Variants in CLEC14A observed in about 807,000 individuals in gnomAD.
CLEC14A encodes the protein C-type lectin domain containing 14A.
For synonymous variants in CLEC14A, 349 were observed against 292.0 expected (o/e 1.20, Z -1.99); for missense variants, 682 against 659.9 (o/e 1.03, Z -0.37).
In CLEC14A at chr14:38,255,825, C is replaced by A; in HGVS notation, c.198G>T (p.Ala66=). The A allele has an allele frequency of 6.5e-7, 1 of 1,541,110 alleles. No individual in the cohort carries two copies. The highest frequency in any genetic ancestry group is 1.4e-5 in the African/African-American group (1 of 73,366). The part of the protein sequence containing the change: ...LRGGALSTVR[A]GAELRAVLAL... ...CGAGCACAGCGCGCAGCTCGGCGCC[C>A]GCACGCACGGTGCTGAGCGCCCCAC... Residue 66 remains alanine (A), a synonymous_variant, in exon 1 of 1, where the codon GCG becomes GCT. Transcript: ENST00000342213. The surrounding 1 kb of genome is among the most constrained non-coding windows in gnomAD (Gnocchi z 5.1).
At position 38,255,641 on chromosome 14, in the gene CLEC14A, G is replaced by A. The variant is rs766443249; in HGVS notation, c.382C>T (p.Leu128=). 2.2e-5 allele frequency: 35 copies of A among 1,608,276 alleles called. No individual in the cohort carries two copies. The South Asian group carries it at 3.5e-4, about 16-fold the overall frequency. The stretch of plus-strand genomic sequence containing the variant: ...CGTTGGGGCTCCTCCACCCACTGCA[G>A]CGTGTCGCTTTCGAGACCGCCGGGG... ...SDPGGLESDT[L]QWVEEPQRSC... Residue 128 remains leucine (L), a synonymous_variant, in exon 1 of 1, where the codon CTG becomes TTG. Transcript: ENST00000342213. This position sits in a 1 kb window ranked among gnomAD's most constrained non-coding sequence, Gnocchi z 5.1.
Position 38,254,433 on chromosome 14 carries a change from T to G in CLEC14A, c.*117A>C. The G allele has an allele frequency of 1.0e-6, 1 of 992,400 alleles. No homozygotes were observed. The highest frequency in any genetic ancestry group is 1.5e-6 in the Non-Finnish European group (1 of 677,444). The allele number at this position is 992,400 out of a possible 1,614,324, so 61.5% of individuals were successfully genotyped here. On this transcript the variant is annotated 3_prime_UTR_variant, in exon 1 of 1. Transcript: ENST00000342213. ...TAGCTCCTCAGTGGAGTAAAGGGAA[T>G]TTAGAGGAAGGGGGATTTCTGCAGA...
chr14:38,255,146 G>A lies in CLEC14A; in HGVS notation c.877C>T (p.Gln293Ter). 1 of 1,613,372 alleles carries A rather than the reference G, an allele frequency of 6.2e-7. No individual in the cohort carries two copies. ...GRSCVTSGEG[Q>*]PTLGGTGVPT... ...ACCCCGGTCCCCCCAAGGGTCGGCT[G>A]TCCTTCCCCACTGGTCACACAAGAG... Residue 293 changes from glutamine to a stop codon, truncating the protein, a stop_gained, in exon 1 of 1, where the codon CAG becomes TAG. Transcript: ENST00000342213. LOFTEE classifies it low-confidence loss of function (END_TRUNC). This position sits in a 1 kb window ranked among gnomAD's most constrained non-coding sequence, Gnocchi z 5.1.
chr14:38,255,872 C>T lies in CLEC14A; in HGVS notation c.151G>A (p.Glu51Lys). The part of the protein sequence containing the change: ...HHATMKRQAA[E>K]EACILRGGAL... ...CCACCTCGCAGGATGCAGGCCTCCT[C>T]GGCCGCCTGCCGCTTCATGGTAGCG... The change falls in exon 1 of 1, where the codon GAG (glutamate) becomes AAG (lysine). Residue 51 changes from glutamate (E) to lysine (K), a missense_variant. Glu to Lys is a moderately conservative substitution (Grantham distance 56). Coordinates refer to ENST00000342213, the MANE Select transcript of CLEC14A (RefSeq NM_175060.3). This position sits in a 1 kb window ranked among gnomAD's most constrained non-coding sequence, Gnocchi z 5.1. 6.4e-7 allele frequency: 1 copy of T among 1,555,982 alleles called. No individual in the cohort carries two copies. The highest frequency in any genetic ancestry group is 8.6e-7 in the Non-Finnish European group (1 of 1,158,636).
rs1474408072 is a variant in CLEC14A, at chr14:38,254,743, TC to T, written c.1279del (p.Glu427LysfsTer38). ...CTTCCTTGGCTGGGAAGAGGGGCTT[TC>T]GTGAAAGCAGAGCTTGACAAGCCCC... is the stretch of plus-strand genomic sequence containing the variant. ...VLGLVKLCFHESPSSQPRKES... is the reference protein window; with the variant it reads ...VLGLVKLCFHXSPSSQPRKES... On this transcript the variant is annotated frameshift_variant, in exon 1 of 1. Coordinates refer to ENST00000342213, the MANE Select transcript of CLEC14A (RefSeq NM_175060.3). LOFTEE classifies it low-confidence loss of function (END_TRUNC). 1 of 1,614,164 alleles carries T rather than the reference TC, an allele frequency of 6.2e-7. No individual in the cohort carries two copies. Among genetic ancestry groups the T allele is most frequent in the South Asian group, 1.1e-5 (1 of 91,082 alleles).
At position 38,254,334 on chromosome 14, in the gene CLEC14A, G is replaced by T; in HGVS notation, c.*216C>A. ...AAAATATCTCTCCCCAGCACTACCC[G>T]GTCCCCCAGTATCACCATCCTAAAG... On this transcript the variant is annotated 3_prime_UTR_variant, in exon 1 of 1. Transcript: ENST00000342213. The T allele has an allele frequency of 2.2e-6, 1 of 460,094 alleles. No homozygotes were observed. 28.5% of individuals were successfully genotyped at this position (460,094 alleles called of 1,614,324 possible). A position where few individuals can be genotyped will look rare whatever the true frequency, so the allele number is the denominator to read the frequency against.
In CLEC14A at chr14:38,254,398, A is replaced by C. The variant is rs1304416583; in HGVS notation, c.*152T>G. ...CTCTATCATCAGGGAAGGAGTGTGC[A>C]GTTCTGATTTAGCTCCTCAGTGGAG... On this transcript the variant is annotated 3_prime_UTR_variant, in exon 1 of 1. Transcript: ENST00000342213. The C allele has an allele frequency of 4.5e-6, 3 of 662,746 alleles. No individual in the cohort carries two copies. Among genetic ancestry groups the C allele is most frequent in the Admixed American group, 3.2e-5 (1 of 31,730 alleles). 41.1% of individuals were successfully genotyped at this position (662,746 alleles called of 1,614,324 possible).
Position 38,254,836 on chromosome 14 carries a change from G to C in CLEC14A, c.1187C>G (p.Ser396Cys), listed in dbSNP as rs1399463378. Residue 396 changes from serine to cysteine, a missense_variant, in exon 1 of 1, where the codon TCT becomes TGT. By Grantham distance (112) the Ser-to-Cys change is moderately radical. Transcript: ENST00000342213. Reference protein sequence around the residue: ...SATPQAFDSSSAVVFIFVSTA... With the variant: ...SATPQAFDSSCAVVFIFVSTA... ...GCTCACAAATATGAAGACCACGGCA[G>C]AGGAGGAGTCGAAAGCCTGAGGAGT... 1 of 1,606,950 alleles carries C rather than the reference G, an allele frequency of 6.2e-7. No homozygotes were observed. Among genetic ancestry groups the C allele is most frequent in the East Asian group, 2.2e-5 (1 of 44,846 alleles).
chr14:38,255,448 T>A lies in CLEC14A; in HGVS notation c.575A>T (p.Tyr192Phe), dbSNP rs114622864. 2.4e-4 allele frequency: 385 copies of A among 1,613,208 alleles called. No individual in the cohort carries two copies. The African/African-American group carries it at 4.5e-3, about 19-fold the overall frequency. Reference protein sequence around the residue: ...PRPGAASNLSYRAPFQLHSAA... With the variant: ...PRPGAASNLSFRAPFQLHSAA... ...GCTGTGCAGCTGGAAGGGCGCGCGA[T>A]AGCTCAAGTTAGAGGCGGCCCCGGG... Residue 192 changes from tyrosine to phenylalanine, a missense_variant, in exon 1 of 1, where the codon TAT (tyrosine) becomes TTT (phenylalanine). Coordinates refer to ENST00000342213, the MANE Select transcript of CLEC14A (RefSeq NM_175060.3). This position sits in a 1 kb window ranked among gnomAD's most constrained non-coding sequence, Gnocchi z 5.1.
In CLEC14A at chr14:38,254,886, C is replaced by T. The variant is rs1468685878; in HGVS notation, c.1137G>A (p.Lys379=). The change falls in exon 1 of 1, where the codon AAG becomes AAA. Residue 379 remains lysine (K), a synonymous_variant. Transcript: ENST00000342213. ...TGGCAGAGGAAGTCGTAGAATTAAA[C>T]TTGGAAATCACGCTCCCTGATGGGG... ...TITPSGSVIS[K]FNSTTSSATP... is the part of the protein sequence containing the mutation. 3 of 1,614,092 alleles carry T rather than the reference C, an allele frequency of 1.9e-6. No individual in the cohort carries two copies. Among genetic ancestry groups the T allele is most frequent in the Non-Finnish European group, 2.5e-6 (3 of 1,179,990 alleles).
chr14:38,255,083 C>A lies in CLEC14A; in HGVS notation c.940G>T (p.Val314Leu). ...RRPPATATSP[V>L]PQRTWPIRVD... ...CTGATTGGCCATGTTCTCTGCGGCA[C>A]GGGGCTGGTTGCAGTGGCCGGCGGG... The change falls in exon 1 of 1, where the codon GTG (valine) becomes TTG (leucine). Residue 314 changes from valine to leucine, a missense_variant. Physicochemically the swap from Val to Leu is conservative, Grantham distance 32. Transcript: ENST00000342213. The surrounding 1 kb of genome is among the most constrained non-coding windows in gnomAD (Gnocchi z 5.1). 1.2e-6 allele frequency: 2 copies of A among 1,612,692 alleles called. No homozygotes were observed. The highest frequency in any genetic ancestry group is 1.7e-6 in the Non-Finnish European group (2 of 1,180,010).
Position 38,255,420 on chromosome 14 carries a change from G to C in CLEC14A, c.603C>G (p.Ala201=). 1 of 1,613,402 alleles carries C rather than the reference G, an allele frequency of 6.2e-7. No homozygotes were observed. Among genetic ancestry groups the C allele is most frequent in the Non-Finnish European group, 8.5e-7 (1 of 1,180,040 alleles). The change falls in exon 1 of 1, where the codon GCC becomes GCG. Residue 201 remains alanine, a synonymous_variant. Transcript: ENST00000342213. This position sits in a 1 kb window ranked among gnomAD's most constrained non-coding sequence, Gnocchi z 5.1. ...SYRAPFQLHS[A]ALDFSPPGTE... ...TCCCAGGTGGACTGAAGTCCAGAGC[G>C]GCGCTGTGCAGCTGGAAGGGCGCGC...
Position 38,254,646 on chromosome 14 carries a change from G to A in CLEC14A, c.1377C>T (p.Cys459=), listed in dbSNP as rs1884003123. 1.2e-6 allele frequency: 2 copies of A among 1,614,154 alleles called. No individual in the cohort carries two copies. Among genetic ancestry groups the A allele is most frequent in the Non-Finnish European group, 1.7e-6 (2 of 1,180,002 alleles). Residue 459 remains cysteine (C), a synonymous_variant, in exon 1 of 1, where the codon TGC becomes TGT. Transcript: ENST00000342213. ...CCCCGACTTTCACCCCATTGTTTGT[G>A]CAATGTGCAGAACTGGAGCCCAAAG... is the stretch of plus-strand genomic sequence containing the variant. ...PAALGSSSAH[C]TNNGVKVGDC...
rs1184136612 is a variant in CLEC14A at position 38,254,114 on chromosome 14, A to G, written c.*436T>C. 1 of 152,720 alleles carries G rather than the reference A, an allele frequency of 6.5e-6. No homozygotes were observed. The highest frequency in any genetic ancestry group is 1.5e-5 in the Non-Finnish European group (1 of 68,414). The allele number at this position is 152,720 out of a possible 1,614,324, so 9.5% of individuals were successfully genotyped here. On this transcript the variant is annotated 3_prime_UTR_variant, in exon 1 of 1. Coordinates refer to ENST00000342213, the MANE Select transcript of CLEC14A (RefSeq NM_175060.3). ...AATGATATTTGAGTCTGGGTTATCAACAATCCTTTAATTTTTTATTTTTAT... is the reference window on the plus strand; with the variant it reads ...AATGATATTTGAGTCTGGGTTATCAGCAATCCTTTAATTTTTTATTTTTAT...
In CLEC14A at chr14:38,254,141, T is replaced by G. The variant is rs1361148513; in HGVS notation, c.*409A>C. ...AATCCTTTAATTTTTTATTTTTATT[T>G]TTTTCCCTGGGATTTCGAACCAATA... On this transcript the variant is annotated 3_prime_UTR_variant, in exon 1 of 1. Coordinates refer to ENST00000342213, the MANE Select transcript of CLEC14A (RefSeq NM_175060.3). The G allele has an allele frequency of 1.3e-5, 2 of 153,590 alleles. No individual in the cohort carries two copies. Among genetic ancestry groups the G allele is most frequent in the African/African-American group, 4.8e-5 (2 of 41,534 alleles). The allele number at this position is 153,590 out of a possible 1,614,324, so 9.5% of individuals were successfully genotyped here. A position where few individuals can be genotyped will look rare whatever the true frequency, so the allele number is the denominator to read the frequency against.
chr14:38,255,825 C>G lies in CLEC14A; in HGVS notation c.198G>C (p.Ala66=), dbSNP rs1884044934. Residue 66 remains alanine (A), a synonymous_variant, in exon 1 of 1, where the codon GCG becomes GCC. Transcript: ENST00000342213. This position sits in a 1 kb window ranked among gnomAD's most constrained non-coding sequence, Gnocchi z 5.1. The part of the protein sequence containing the change: ...LRGGALSTVR[A]GAELRAVLAL... ...CGAGCACAGCGCGCAGCTCGGCGCC[C>G]GCACGCACGGTGCTGAGCGCCCCAC... 1 of 1,540,994 alleles carries G rather than the reference C, an allele frequency of 6.5e-7. No homozygotes were observed. Among genetic ancestry groups the G allele is most frequent in the Non-Finnish European group, 8.7e-7 (1 of 1,149,100 alleles).
In CLEC14A at chr14:38,256,010, A is replaced by G. The variant is rs1002862941; in HGVS notation, c.13T>C (p.Phe5Leu). The G allele has an allele frequency of 7.2e-6, 11 of 1,527,998 alleles. No individual in the cohort carries two copies. Among genetic ancestry groups the G allele is most frequent in the Admixed American group, 2.1e-5 (1 of 48,342 alleles). The allele number at this position is 1,527,998 out of a possible 1,614,324, so 94.7% of individuals were successfully genotyped here. ...GCCTGCCAGAGGAGGCACAGGGCGA[A>G]CGCCGGCCTCATTCTCTGAGGCCCC... is the stretch of plus-strand genomic sequence containing the variant. MRPA[F>L]ALCLLWQALW... The change falls in exon 1 of 1, where the codon TTC (phenylalanine) becomes CTC (leucine). Residue 5 changes from phenylalanine (F) to leucine (L), a missense_variant. Phe to Leu is a conservative substitution (Grantham distance 22). Transcript: ENST00000342213.
chr14:38,255,485 G>A lies in CLEC14A; in HGVS notation c.538C>T (p.Pro180Ser), dbSNP rs779015523. The change falls in exon 1 of 1, where the codon CCT (proline) becomes TCT (serine). Residue 180 changes from proline (P) to serine (S), a missense_variant. Physicochemically the swap from Pro to Ser is moderately conservative, Grantham distance 74 (BLOSUM62 -1). Transcript: ENST00000342213. This position sits in a 1 kb window ranked among gnomAD's most constrained non-coding sequence, Gnocchi z 5.1. ...LCKYQFEVLCPAPRPGAASNL... is the reference protein window; with the variant it reads ...LCKYQFEVLCSAPRPGAASNL... The stretch of plus-strand genomic sequence containing the variant: ...GAGGCGGCCCCGGGGCGCGGCGCAG[G>A]ACACAAGACCTCAAACTGGTACTTG... 1 of 1,613,174 alleles carries A rather than the reference G, an allele frequency of 6.2e-7. No individual in the cohort carries two copies. The highest frequency in any genetic ancestry group is 1.1e-5 in the South Asian group (1 of 91,084).
At position 38,255,801 on chromosome 14, in the gene CLEC14A, G is replaced by T; in HGVS notation, c.222C>A (p.Leu74=). The T allele has an allele frequency of 2.6e-6, 4 of 1,541,176 alleles. No individual in the cohort carries two copies. Among genetic ancestry groups the T allele is most frequent in the Non-Finnish European group, 3.5e-6 (4 of 1,148,156 alleles). The part of the protein sequence containing the change: ...VRAGAELRAV[L]ALLRAGPGPG... Reference sequence around the variant, plus strand: ...GCCCTGGGCCTGCCCGCAGGAGCGCGAGCACAGCGCGCAGCTCGGCGCCCG... The same window carrying T: ...GCCCTGGGCCTGCCCGCAGGAGCGCTAGCACAGCGCGCAGCTCGGCGCCCG... The change falls in exon 1 of 1, where the codon CTC becomes CTA. Residue 74 remains leucine, a synonymous_variant. Transcript: ENST00000342213. The surrounding 1 kb of genome is among the most constrained non-coding windows in gnomAD (Gnocchi z 5.1).
Sources: gnomAD v4.1 joint callset for allele counts on GRCh38, gnomAD v4.1.1 for gene constraint, Gnocchi (gnomAD v3.1) non-coding constraint, MANE v1.5 for transcripts, NCBI Gene and HGNC (gene_info 2026-07-23, HGNC 2026-07-21) for gene names.